CDH18: variants seen among roughly 807,000 people sequenced by gnomAD.
CDH18 encodes the protein cadherin-18.
In CDH18, 31 loss-of-function variants were observed where a neutral mutation model predicts 67.9. The ratio of observed to expected loss-of-function variants is 0.46; its 90% confidence interval spans 0.34 to 0.62. CDH18 has a LOEUF of 0.62. Among genes scored for constraint, CDH18 ranks in the 20% least tolerant of loss-of-function variants. The probability of loss-of-function intolerance (pLI) is 0.01; values close to 1 mark genes in which losing one functional copy is unlikely to be tolerated. For missense variants in CDH18, 890 were observed against 975.5 expected, an observed-to-expected ratio of 0.91 and a Z score of 1.17; for synonymous variants, 362 against 347.2, an observed-to-expected ratio of 1.04 and a Z score of -0.48.
At chr5:19,851,440 CA>C (rs1274584027) in intron 2 of CDH18, among the ~76,000 whole-genome samples, 4 of 141,496 alleles carry the variant, frequency 2.8e-5, no homozygotes, top group Admixed American at 7.0e-5. Flanking sequence ...AAAACAAACC[CA>C]AAAAACCCAA....
At chr5:19,526,563 T>C (rs919667504) in intron 9 of CDH18, among the ~76,000 whole-genome samples, 3 of 152,228 alleles carry the variant, frequency 2.0e-5, no homozygotes, top group Admixed American at 6.5e-5. Context: ...TTCCCACTTA[T>C]GGACATTGAA....
chr5:19,590,244 AT>A (rs1744873632), intron 7 of CDH18, among the ~76,000 whole-genome samples: 1 of 152,060 alleles, frequency 6.6e-6, no homozygotes, highest in Admixed American at 6.6e-5. Context: ...GAGAAAAAAA[AT>A]TTACAATGAG....
chr5:19,869,152 T>C (rs1785937008), intron 2 of CDH18, among the ~76,000 whole-genome samples: 1 of 152,202 alleles, frequency 6.6e-6, no homozygotes, highest in Non-Finnish European at 1.5e-5. Flanking sequence ...TTTCTGAAGA[T>C]ATGCAGGACG....
chr5:20,180,928 C>T (rs886485352), intron 2 of CDH18, among the ~76,000 whole-genome samples: 28 of 152,120 alleles, frequency 1.8e-4, no homozygotes, highest in African/African-American at 6.5e-4. Context: ...TTCACCAATG[C>T]GTTATATGAA....
At position 19,919,692 on chromosome 5, in the gene CDH18, C is replaced by G. The variant is rs141732947; in HGVS notation, c.-257+61368G>C. ...ATACTATTTAATATTTTACAGATATCAACTTATTTGATGGAAGAAATAACA... is the reference window on the plus strand; with the variant it reads ...ATACTATTTAATATTTTACAGATATGAACTTATTTGATGGAAGAAATAACA... On this transcript the variant is annotated intron_variant, in intron 2 of 12. Transcript: ENST00000382275. 9.5e-4 allele frequency among the ~76,000 whole-genome samples: 144 copies of G among 152,212 alleles called. 2 individuals carry two copies. The East Asian group carries it at 0.023, about 24-fold the overall frequency.
In CDH18 at chr5:20,419,766, C is replaced by G. The variant is rs368301488; in HGVS notation, c.-580+155696G>C. Reference sequence around the variant, plus strand: ...TTCTGGGATTACAGGCGTGAGCCGCCGCGCCTGTCCCTGGGACTCTTTTGG... The same window carrying G: ...TTCTGGGATTACAGGCGTGAGCCGCGGCGCCTGTCCCTGGGACTCTTTTGG... On this transcript the variant is annotated intron_variant, in intron 1 of 14. Coordinates refer to the CDH18 transcript ENST00000507958. Among the ~76,000 whole-genome samples, 4 of 150,822 alleles carry G rather than the reference C, an allele frequency of 2.7e-5. 1 individual carries two copies. Among genetic ancestry groups the G allele is most frequent in the African/African-American group, 9.9e-5 (4 of 40,230 alleles).
intron 11 of CDH18, among the ~76,000 whole-genome samples, chr5:19,488,750 G>A (rs13183795): frequency 0.24 from 36,303 of 152,092 alleles, 4,685 homozygotes; most frequent in African/African-American, 0.33. Context: ...TGACATGGAG[G>A]AAGAAATTGA....
At chr5:20,010,650 A>G (rs1400234588) in intron 2 of CDH18, among the ~76,000 whole-genome samples, 2 of 152,106 alleles carry the variant, frequency 1.3e-5, no homozygotes, top group Non-Finnish European at 2.9e-5. Flanking sequence ...CATTAACCAT[A>G]CTTTTCTTAA....
chr5:20,326,365 A>G (rs1449354646), intron 1 of CDH18, among the ~76,000 whole-genome samples: 1 of 152,034 alleles, frequency 6.6e-6, no homozygotes, highest in African/African-American at 2.4e-5. Context: ...ATTATTCCCA[A>G]TAGTCTTTAC....
intron 1 of CDH18, among the ~76,000 whole-genome samples, chr5:20,260,002 A>C (rs895222618): frequency 6.6e-6 from 1 of 152,036 alleles, no homozygotes; most frequent in African/African-American, 2.4e-5. Context: ...CGACTGCACA[A>C]CCTTTAGTTA....
intron 5 of CDH18, among the ~76,000 whole-genome samples, chr5:19,647,836 T>C (rs1395524362): frequency 6.6e-6 from 1 of 152,138 alleles, no homozygotes; most frequent in East Asian, 1.9e-4. Flanking sequence ...CCACCAATTA[T>C]TTTGAAAACC....
At chr5:19,898,446 A>T (rs1789580001) in intron 2 of CDH18, among the ~76,000 whole-genome samples, 1 of 152,070 alleles carries the variant, frequency 6.6e-6, no homozygotes, top group African/African-American at 2.4e-5. Context: ...TTATAAAATT[A>T]ATCAAGAATG....
chr5:20,096,411 C>A (rs952946636), intron 2 of CDH18, among the ~76,000 whole-genome samples: 1 of 151,510 alleles, frequency 6.6e-6, no homozygotes, highest in African/African-American at 2.4e-5. Flanking sequence ...ACTACTTTGA[C>A]CAAGGAAAAA....
intron 2 of CDH18, among the ~76,000 whole-genome samples, chr5:20,214,275 A>G (rs536000391): frequency 6.6e-6 from 1 of 152,126 alleles, no homozygotes; most frequent in Admixed American, 6.6e-5. Flanking sequence ...TCCAAAAAAC[A>G]TTTTATAGAT....
At chr5:19,521,951 T>C (rs1746966669) in intron 9 of CDH18, among the ~76,000 whole-genome samples, 1 of 152,068 alleles carries the variant, frequency 6.6e-6, no homozygotes, top group African/African-American at 2.4e-5. Flanking sequence ...GAACCAATAC[T>C]AGACACTACC....
At chr5:20,307,279 AT>A (rs559786976) in intron 1 of CDH18, among the ~76,000 whole-genome samples, 2,451 of 147,606 alleles carry the variant, frequency 0.017, 47 homozygotes, top group African/African-American at 0.055. Flanking sequence ...ACACCAATAG[AT>A]TTTTTTTTTT....
intron 2 of CDH18, among the ~76,000 whole-genome samples, chr5:19,938,869 T>C (rs1440827127): frequency 1.3e-5 from 2 of 151,394 alleles, no homozygotes; most frequent in Non-Finnish European, 3.0e-5. Context: ...CTTTGTTTAA[T>C]TCTAATTTAA....
intron 1 of CDH18, among the ~76,000 whole-genome samples, chr5:20,481,601 A>T (rs75200042): frequency 0.042 from 6,351 of 152,168 alleles, 434 homozygotes; most frequent in African/African-American, 0.15. Flanking sequence ...TATAACAAAG[A>T]TTTTCTCTGG....
chr5:19,763,220 A>C (rs1772603706), intron 3 of CDH18, among the ~76,000 whole-genome samples: 1 of 152,236 alleles, frequency 6.6e-6, no homozygotes, highest in African/African-American at 2.4e-5. Context: ...CACGTTGTGC[A>C]CATGTATCCT....
Sources: allele counts gnomAD v4.1 joint callset (sites outside exome capture counted in the v4.1 genomes callset), GRCh38; gene constraint gnomAD v4.1.1; transcripts MANE v1.5; gene names NCBI Gene and HGNC (gene_info 2026-07-23, HGNC 2026-07-21).